Variants in INTS2 observed in about 807,000 individuals in gnomAD.
INTS2 encodes KIAA1287.
Under a neutral mutation model 139.6 loss-of-function variants are expected in INTS2, and 57 were observed. The ratio of observed to expected loss-of-function variants is 0.41; its 90% CI spans 0.33 to 0.51. The LOEUF (loss-of-function observed/expected upper bound fraction) is 0.51, where lower values mean the gene tolerates loss of function less well. INTS2 is among the 20% of genes least tolerant of loss of function. The probability of loss-of-function intolerance (pLI) is 0.28; values close to 1 mark genes in which losing one functional copy is unlikely to be tolerated. For synonymous variants in INTS2, 473 were observed against 493.4 expected (o/e 0.96, Z 0.55); for missense variants, 1,196 against 1,436.7 (o/e 0.83, Z 2.71).
rs201582146 is a variant in INTS2, at chr17:61,891,594, A to G, written c.1794T>C (p.Pro598=). The G allele has an allele frequency of 9.3e-6, 15 of 1,613,658 alleles. No individual in the cohort carries two copies. In the Admixed American group the frequency reaches 2.2e-4, roughly 23 times the overall value. Reference sequence around the variant, plus strand: ...TGGCTTCTGGATTAGATTTCGACGCAGGAGTAAGTATAGAATTTATGTACA... The same window carrying G: ...TGGCTTCTGGATTAGATTTCGACGCGGGAGTAAGTATAGAATTTATGTACA... ...IDVYINSILT[P]ASKSNPEATN... The change falls in exon 14 of 25, where the codon CCT becomes CCC. Residue 598 remains proline (P), a synonymous_variant. Coordinates refer to ENST00000251334, the MANE Select transcript of INTS2 (RefSeq NM_001351695.2).
intron 17 of INTS2, among the ~76,000 whole-genome samples, chr17:61,879,579 G>T (rs947362530): frequency 6.6e-6 from 1 of 152,128 alleles, no homozygotes; most frequent in Middle Eastern, 3.2e-3. Context: ...GGCCAGGCAC[G>T]GTGGTTCATG....
intron 5 of INTS2, among the ~76,000 whole-genome samples, chr17:61,915,816 TAAAAA>T (rs1193639396): frequency 3.1e-5 from 2 of 64,190 alleles, no homozygotes; most frequent in African/African-American, 1.2e-4. Flanking sequence ...AGACTCTGTC[TAAAAA>T]AAAAAAAAAA....
intron 5 of INTS2, among the ~76,000 whole-genome samples, chr17:61,917,132 A>G (rs1170688162): frequency 6.6e-6 from 1 of 152,220 alleles, no homozygotes; most frequent in Non-Finnish European, 1.5e-5. Context: ...AAGTCAAAAA[A>G]TAATAGGTGC....
chr17:61,893,847 T>C lies in INTS2; in HGVS notation c.1616A>G (p.Asn539Ser), dbSNP rs543420106. ...RVPVTSNLSA[N>S]ITGFLPIHCI... ...ATGAATAGGCAAAAATCCAGTAATGTTGGCACTCAGGTTGCTGGTGACAGG... is the reference window on the plus strand; with the variant it reads ...ATGAATAGGCAAAAATCCAGTAATGCTGGCACTCAGGTTGCTGGTGACAGG... The change falls in exon 13 of 25, where the codon AAC becomes AGC. Residue 539 changes from asparagine (N) to serine (S), a missense_variant. Physicochemically the swap from Asn to Ser is conservative, Grantham distance 46. This residue lies in a region of INTS2 where 1,129 missense variants were observed against 1,341.9 expected (regional missense o/e 0.84). Transcript: ENST00000251334. This position sits in a 1 kb window ranked among gnomAD's most constrained non-coding sequence, Gnocchi z 5.4. 6 of 1,582,872 alleles carry C rather than the reference T, an allele frequency of 3.8e-6. No homozygotes were observed. The highest frequency in any genetic ancestry group is 4.6e-5 in the East Asian group (2 of 43,366).
intron 5 of INTS2, 89 bp downstream of exon 5, chr17:61,919,311 C>T: frequency 1.5e-6 from 1 of 646,994 alleles, no homozygotes; most frequent in Non-Finnish European, 2.8e-6. Flanking sequence ...AAATAAAATC[C>T]CATTAATGTT....
chr17:61,869,600 G>C lies in INTS2; in HGVS notation c.3030+137C>G, dbSNP rs776389846. ...AAAAAAAAAAACAACTAAAAATCTG[G>C]ATTTTTCTCCATATTGCAAAAGCCC... On this transcript the variant is annotated intron_variant, in intron 21 of 24. Transcript: ENST00000251334. The surrounding 1 kb of genome is among the most constrained non-coding windows in gnomAD (Gnocchi z 5.4). The C allele has an allele frequency of 2.5e-4, 274 of 1,114,118 alleles. 1 individual carries two copies. Among genetic ancestry groups the C allele is most frequent in the Middle Eastern group, 4.9e-4 (2 of 4,100 alleles). 69.0% of individuals were successfully genotyped at this position (1,114,118 alleles called of 1,614,324 possible). A position where few individuals can be genotyped will look rare whatever the true frequency, so the allele number is the denominator to read the frequency against.
intron 2 of INTS2, among the ~76,000 whole-genome samples, chr17:61,925,828 C>T (rs1024864782): frequency 1.6e-4 from 25 of 151,862 alleles, no homozygotes; most frequent in African/African-American, 4.8e-4. Context: ...AGTTGGAGAC[C>T]AGCCTGGCCA....
chr17:61,878,196 G>T, intron 17 of INTS2, 108 bp from the exon 18 acceptor site: 1 of 671,930 alleles, frequency 1.5e-6, no homozygotes, highest in Non-Finnish European at 2.6e-6. Context: ...AAAACAATGT[G>T]GCTAAAAAGT....
rs1219411798 is a variant in INTS2 at position 61,869,759 on chromosome 17, A to G, written c.3008T>C (p.Ile1003Thr). ...GACCTGAAAGTGAACAAGCTTAGCAATGTTGGGATCTGCAATGTACATTTG... is the reference window on the plus strand; with the variant it reads ...GACCTGAAAGTGAACAAGCTTAGCAGTGTTGGGATCTGCAATGTACATTTG... ...LHQMYIADPN[I>T]AKLVHFQGYP... The change falls in exon 21 of 25, where the codon ATT (isoleucine) becomes ACT (threonine). Residue 1003 changes from isoleucine to threonine, a missense_variant. By Grantham distance (89) the Ile-to-Thr change is moderately conservative. Coordinates refer to ENST00000251334, the MANE Select transcript of INTS2 (RefSeq NM_001351695.2). This position sits in a 1 kb window ranked among gnomAD's most constrained non-coding sequence, Gnocchi z 5.4. 1 of 1,613,788 alleles carries G rather than the reference A, an allele frequency of 6.2e-7. No homozygotes were observed. The highest frequency in any genetic ancestry group is 1.1e-5 in the South Asian group (1 of 91,066).
At position 61,866,470 on chromosome 17, in the gene INTS2, A is replaced by T. The variant is rs757940125; in HGVS notation, c.*1087T>A. The T allele has an allele frequency of 7.2e-5, 11 of 152,008 alleles. No homozygotes were observed. The highest frequency in any genetic ancestry group is 1.5e-4 in the Non-Finnish European group (10 of 67,988). 9.4% of individuals were successfully genotyped at this position (152,008 alleles called of 1,614,324 possible). ...AAAGGGAATTACTTTCTACATTGAT[A>T]ATTTTTTTTTAATGATTAGGGTTTA... On this transcript the variant is annotated 3_prime_UTR_variant, in exon 25 of 25. Coordinates refer to ENST00000251334, the MANE Select transcript of INTS2 (RefSeq NM_001351695.2).
In INTS2 at chr17:61,909,236, C is replaced by G. The variant is rs995087163; in HGVS notation, c.955-1602G>C. 1.3e-5 allele frequency among the ~76,000 whole-genome samples: 2 copies of G among 151,976 alleles called. No homozygotes were observed. Among genetic ancestry groups the G allele is most frequent in the East Asian group, 3.9e-4 (2 of 5,176 alleles). On this transcript the variant is annotated intron_variant, in intron 7 of 24. Coordinates refer to ENST00000251334, the MANE Select transcript of INTS2 (RefSeq NM_001351695.2). This position sits in a 1 kb window ranked among gnomAD's most constrained non-coding sequence, Gnocchi z 4.9. ...AAGCGATTCTCCTGCCTCAGCCTCC[C>G]GAGTAGCTGGGACTACAGGCACGCA...
At chr17:61,878,608 G>A (rs1372492083) in intron 17 of INTS2, among the ~76,000 whole-genome samples, 1 of 150,936 alleles carries the variant, frequency 6.6e-6, no homozygotes, top group Non-Finnish European at 1.5e-5. Flanking sequence ...TCATGCAAGT[G>A]TAGTTGTTCT....
At chr17:61,891,483 T>G in intron 14 of INTS2, 30 bp downstream of exon 14, 5 of 1,519,460 alleles carry the variant, frequency 3.3e-6, no homozygotes, top group Non-Finnish European at 4.5e-6. Context: ...GAAAAATAAG[T>G]TAATAGATAT....
chr17:61,879,160 T>G (rs1300218865), intron 17 of INTS2, among the ~76,000 whole-genome samples: 1 of 141,066 alleles, frequency 7.1e-6, no homozygotes, highest in Non-Finnish European at 1.5e-5. Context: ...CCTCAAGTGA[T>G]CCTCCTGCTT....
chr17:61,877,802 A>AT, intron 18 of INTS2, 85 bp downstream of exon 18: 1 of 1,139,268 alleles, frequency 8.8e-7, no homozygotes, highest in Non-Finnish European at 1.3e-6. Context: ...GTGGTGAAAA[A>AT]TTTTTTAAAC....
intron 5 of INTS2, among the ~76,000 whole-genome samples, chr17:61,918,561 A>G (rs2079605866): frequency 6.6e-6 from 1 of 152,106 alleles, no homozygotes. Flanking sequence ...GTATTTTGAT[A>G]GAGCTCACAC....
intron 5 of INTS2, among the ~76,000 whole-genome samples, chr17:61,912,444 G>A (rs1436341355): frequency 6.8e-6 from 1 of 147,946 alleles, no homozygotes; most frequent in Non-Finnish European, 1.5e-5. Flanking sequence ...CCAACATGGT[G>A]AAACCCCATC....
chr17:61,925,196 T>C, intron 2 of INTS2, 97 bp from the exon 3 acceptor site: 1 of 1,163,750 alleles, frequency 8.6e-7, no homozygotes. Context: ...TAAAAGGATG[T>C]ATAAAGTGTT....
intron 7 of INTS2, among the ~76,000 whole-genome samples, chr17:61,908,251 C>T (rs912012416): frequency 1.3e-5 from 2 of 152,110 alleles, no homozygotes; most frequent in Admixed American, 6.6e-5. Context: ...CCCATCTCTA[C>T]TAAAAATATA....
Sources: allele counts gnomAD v4.1 joint callset (sites outside exome capture counted in the v4.1 genomes callset), GRCh38; gene constraint gnomAD v4.1.1; regional missense constraint gnomAD v4.1.1; non-coding constraint Gnocchi (gnomAD v3.1); transcripts MANE v1.5; gene names NCBI Gene and HGNC (gene_info 2026-07-23, HGNC 2026-07-21).